Variants in PARD3B observed in about 807,000 individuals in gnomAD.
The protein encoded by PARD3B is partitioning defective 3 homolog B.
A neutral mutation model predicts 130.2 loss-of-function variants in PARD3B; 103 were observed. That is an observed-to-expected ratio of 0.79 (90% CI 0.67 to 0.93). The LOEUF is 0.93. Ranked by LOEUF, PARD3B falls within the 40% of genes least tolerant of loss-of-function variation. The pLI, the probability that PARD3B is intolerant of heterozygous loss-of-function variation, is 0.00. For missense variants in PARD3B, 1,609 were observed against 1,499.2 expected (o/e 1.07, Z -1.21); for synonymous variants, 583 against 553.2 (o/e 1.05, Z -0.76).
At chr2:204,894,492 C>G (rs1575235574) in intron 2 of PARD3B, among the ~76,000 whole-genome samples, 1 of 151,760 alleles carries the variant, frequency 6.6e-6, no homozygotes, top group East Asian at 1.9e-4. Context: ...ATCCATGCCC[C>G]AGCTTCCTCA....
At chr2:204,972,600 T>G (rs570950364) in intron 3 of PARD3B, among the ~76,000 whole-genome samples, 11 of 152,202 alleles carry the variant, frequency 7.2e-5, no homozygotes, top group Non-Finnish European at 1.5e-4. Flanking sequence ...AATAGAAAAT[T>G]ATTAAAAGGA....
intron 1 of PARD3B, among the ~76,000 whole-genome samples, chr2:204,587,120 AT>A (rs557883052): frequency 0.015 from 2,240 of 151,494 alleles, 16 homozygotes; most frequent in Non-Finnish European, 0.025. Context: ...GTATGCATGT[AT>A]TTTTTTTTAA....
Position 205,568,231 on chromosome 2 carries a change from CAT to C in PARD3B, c.3260+14831_3260+14832del, listed in dbSNP as rs2106539848. Among the ~76,000 whole-genome samples, 1 of 152,300 alleles carries C rather than the reference CAT, an allele frequency of 6.6e-6. No homozygotes were observed. The highest frequency in any genetic ancestry group is 2.4e-5 in the African/African-American group (1 of 41,566). On this transcript the variant is annotated intron_variant, in intron 22 of 22. Transcript: ENST00000406610. This position sits in a 1 kb window ranked among gnomAD's most constrained non-coding sequence, Gnocchi z 5.3. ...TGTGGTTGCCTTTCGTGAGAGAAAA[CAT>C]ATGAGATTAGTAAGATGCCCCAGAC...
rs2042754196 is a variant in PARD3B at position 205,321,552 on chromosome 2, ATAACT to A, written c.2630+19856_2630+19860del. On this transcript the variant is annotated intron_variant, in intron 18 of 22. Coordinates refer to ENST00000406610, the MANE Select transcript of PARD3B (RefSeq NM_001302769.2). This position sits in a 1 kb window ranked among gnomAD's most constrained non-coding sequence, Gnocchi z 4.2. ...CAGGCATGCATGCATTTTTCTCTTA[ATAACT>A]TAACAGTGGTTGCAAACTTGATGTC... 6.6e-6 allele frequency among the ~76,000 whole-genome samples: 1 copy of A among 152,002 alleles called. No homozygotes were observed. Among genetic ancestry groups the A allele is most frequent in the African/African-American group, 2.4e-5 (1 of 41,392 alleles).
chr2:205,359,492 T>A (rs2044311882), intron 18 of PARD3B, among the ~76,000 whole-genome samples: 1 of 152,206 alleles, frequency 6.6e-6, no homozygotes. Flanking sequence ...TAATCCTCAG[T>A]TCATGGCTCT....
At chr2:205,009,243 G>C (rs569848160) in intron 3 of PARD3B, among the ~76,000 whole-genome samples, 1 of 152,086 alleles carries the variant, frequency 6.6e-6, no homozygotes, top group Non-Finnish European at 1.5e-5. Flanking sequence ...ACTAGAGTTC[G>C]AAATGTTTTG....
chr2:205,456,429 A>G (rs920443355), intron 20 of PARD3B, among the ~76,000 whole-genome samples: 1 of 152,066 alleles, frequency 6.6e-6, no homozygotes, highest in Non-Finnish European at 1.5e-5. Context: ...AACCTCCAGT[A>G]CTATGTTGAG....
chr2:205,054,404 TTA>T lies in PARD3B; in HGVS notation c.504+6746_504+6747del, dbSNP rs1298451651. Among the ~76,000 whole-genome samples the T allele has an allele frequency of 1.1e-3, 37 of 33,830 alleles. 1 individual carries two copies. The highest frequency in any genetic ancestry group is 4.5e-3 in the South Asian group (2 of 446). 22.2% of individuals were successfully genotyped at this position (33,830 alleles called of 152,430 possible). A position where few individuals can be genotyped will look rare whatever the true frequency, so the allele number is the denominator to read the frequency against. ...TAACAAGGTAACCATGACATGTCTTTTATATATATATATATATATATATATAT... is the reference window on the plus strand; with the variant it reads ...TAACAAGGTAACCATGACATGTCTTTTATATATATATATATATATATATAT... On this transcript the variant is annotated intron_variant, in intron 4 of 22. Coordinates refer to ENST00000406610, the MANE Select transcript of PARD3B (RefSeq NM_001302769.2).
At chr2:205,323,693 T>C (rs1011233873) in intron 18 of PARD3B, among the ~76,000 whole-genome samples, 6 of 152,182 alleles carry the variant, frequency 3.9e-5, no homozygotes, top group Non-Finnish European at 8.8e-5. Flanking sequence ...ATCTCTGTCA[T>C]GGGAGTAAAA....
chr2:205,245,768 T>A lies in PARD3B; in HGVS notation c.2141-10T>A. ...GTCTGATCCTTGTCTCTTTTATTTCTTCTCCTCAGTGCCAGATGAAAGCAA... is the reference window on the plus strand; with the variant it reads ...GTCTGATCCTTGTCTCTTTTATTTCATCTCCTCAGTGCCAGATGAAAGCAA... On this transcript the variant is annotated splice_polypyrimidine_tract_variant and intron_variant, in intron 15 of 22. Transcript: ENST00000406610. The A allele has an allele frequency of 6.3e-7, 1 of 1,591,556 alleles. No homozygotes were observed. The highest frequency in any genetic ancestry group is 1.3e-5 in the African/African-American group (1 of 74,594).
At chr2:204,999,740 A>G (rs1575524591) in intron 3 of PARD3B, among the ~76,000 whole-genome samples, 1 of 152,218 alleles carries the variant, frequency 6.6e-6, no homozygotes, top group Admixed American at 6.5e-5. Flanking sequence ...GGTGATAAAG[A>G]TAAAGTGGTA....
chr2:204,855,900 A>G (rs1033774747), intron 2 of PARD3B, among the ~76,000 whole-genome samples: 1 of 152,182 alleles, frequency 6.6e-6, no homozygotes, highest in Admixed American at 6.6e-5. Context: ...TTTAAAGGCT[A>G]TATAGTATTT....
At chr2:205,252,348 A>G (rs1455898889) in intron 16 of PARD3B, among the ~76,000 whole-genome samples, 4 of 152,178 alleles carry the variant, frequency 2.6e-5, no homozygotes, top group Non-Finnish European at 5.9e-5. Context: ...GCCTTATAAA[A>G]TGTTTATAAT....
intron 18 of PARD3B, among the ~76,000 whole-genome samples, chr2:205,320,760 A>T (rs1461285160): frequency 1.3e-5 from 2 of 152,252 alleles, no homozygotes; most frequent in Non-Finnish European, 2.9e-5. Context: ...ACAGACACAC[A>T]GCCATTCATT....
chr2:204,579,075 T>A (rs1020053282), intron 1 of PARD3B, among the ~76,000 whole-genome samples: 1 of 151,920 alleles, frequency 6.6e-6, no homozygotes, highest in Non-Finnish European at 1.5e-5. Flanking sequence ...GGCAAAAGTG[T>A]GGCCACTTTA....
chr2:205,445,309 C>T (rs781361601), intron 20 of PARD3B, among the ~76,000 whole-genome samples: 28 of 152,216 alleles, frequency 1.8e-4, no homozygotes, highest in Admixed American at 7.8e-4. Flanking sequence ...AGTCCATTCT[C>T]GCACTGCTAT....
chr2:204,896,515 C>T (rs535781241), intron 2 of PARD3B, among the ~76,000 whole-genome samples: 10 of 152,060 alleles, frequency 6.6e-5, no homozygotes, highest in Admixed American at 4.6e-4. Flanking sequence ...ATGGAGGTAA[C>T]GTTTTGAATC....
chr2:205,168,811 C>CT (rs911214642), intron 11 of PARD3B, among the ~76,000 whole-genome samples: 4 of 151,974 alleles, frequency 2.6e-5, no homozygotes, highest in East Asian at 1.9e-4. Flanking sequence ...TTCTGAAAGT[C>CT]TTTTTTTTCT....
At position 205,330,619 on chromosome 2, in the gene PARD3B, A is replaced by T. The variant is rs1477233957; in HGVS notation, c.2630+28918A>T. Among the ~76,000 whole-genome samples, 4 of 152,228 alleles carry T rather than the reference A, an allele frequency of 2.6e-5. No individual in the cohort carries two copies. The South Asian group carries it at 8.3e-4, about 31-fold the overall frequency. On this transcript the variant is annotated intron_variant, in intron 18 of 22. Coordinates refer to ENST00000406610, the MANE Select transcript of PARD3B (RefSeq NM_001302769.2). ...CAGAAGGCATTTCTTTTGGGGCTAC[A>T]TTACAGCCCTTTTAGTTGTCATTTA...
Sources: gnomAD v4.1 joint callset for allele counts (sites outside exome capture counted in the v4.1 genomes callset) on GRCh38, gnomAD v4.1.1 for gene constraint, Gnocchi (gnomAD v3.1) non-coding constraint, MANE v1.5 for transcripts, NCBI Gene and HGNC (gene_info 2026-07-23, HGNC 2026-07-21) for gene names.